Variants in NECAB2 observed in about 807,000 individuals in gnomAD.
NECAB2 encodes the protein N-terminal EF-hand calcium-binding protein 2.
NECAB2 carries 68 observed loss-of-function variants against 51.9 expected under a neutral mutation model. That is an observed-to-expected ratio of 1.31 (90% confidence interval 1.08 to 1.60). The LOEUF is 1.60. Ranked by LOEUF, NECAB2 falls within the 40% of genes most tolerant of loss-of-function variation. The probability of loss-of-function intolerance (pLI) is 0.00; values close to 1 mark genes in which losing one functional copy is unlikely to be tolerated. For synonymous variants in NECAB2, 329 were observed against 203.5 expected (o/e 1.62, Z -5.25); for missense variants, 854 against 490.3 (o/e 1.74, Z -7.00).
At position 84,002,379 on chromosome 16, in the gene NECAB2, A is replaced by C. The variant is rs191581329; in HGVS notation, c.*33A>C. ...CCAGAGGCCCGTGGAGGAGCCCACC[A>C]GCCCCTTCTTCTTGTGAAGGAAATC... On this transcript the variant is annotated 3_prime_UTR_variant, in exon 13 of 13. Transcript: ENST00000305202. 1.9e-5 allele frequency: 31 copies of C among 1,608,842 alleles called. No individual in the cohort carries two copies. The East Asian group carries it at 5.6e-4, about 29-fold the overall frequency.
chr16:84,001,659 GCCTCCCTGGGCACCCCCTCA>G (rs1230976340), intron 11 of NECAB2, among the ~76,000 whole-genome samples, 146 bp from the exon 12 acceptor site: 2 of 139,842 alleles, frequency 1.4e-5, no homozygotes, highest in African/African-American at 6.6e-5. Context: ...CCCAGAGTCA[GCCTCCCTGGGCACCCCCTCA>G]CCTTCCCACA....
chr16:83,987,287 G>C (rs939082045), intron 5 of NECAB2, among the ~76,000 whole-genome samples: 2 of 152,140 alleles, frequency 1.3e-5, no homozygotes, highest in Non-Finnish European at 2.9e-5. Flanking sequence ...ATTATCTAAT[G>C]TATCTGTTCT....
chr16:83,993,234 G>C (rs1399744629), intron 6 of NECAB2, among the ~76,000 whole-genome samples: 2 of 152,154 alleles, frequency 1.3e-5, no homozygotes, highest in East Asian at 1.9e-4. Flanking sequence ...CACCACCCGG[G>C]AGCCCTGAGC....
At chr16:83,999,686 G>T (rs374177871) in intron 10 of NECAB2, among the ~76,000 whole-genome samples, 1 of 152,086 alleles carries the variant, frequency 6.6e-6, no homozygotes, top group Non-Finnish European at 1.5e-5. Context: ...TTAAAATGAC[G>T]TGAGTGCGGG....
rs924634151 is a variant in NECAB2, at chr16:83,998,504, G to C, written c.962+187G>C. 3.3e-5 allele frequency among the ~76,000 whole-genome samples: 5 copies of C among 152,164 alleles called. No homozygotes were observed. The East Asian group carries it at 9.6e-4, about 29-fold the overall frequency. ...TCCTCCCAGCCAAGCAAATGTGGCA[G>C]GTGTCTTCATCTCCCTGGCATCAGC... On this transcript the variant is annotated intron_variant, in intron 10 of 12. Transcript: ENST00000305202.
intron 2 of NECAB2, among the ~76,000 whole-genome samples, chr16:83,975,259 C>G (rs1207509849): frequency 1.5e-5 from 2 of 137,716 alleles, no homozygotes; most frequent in African/African-American, 2.8e-5. Flanking sequence ...AACCGGTGTG[C>G]AGGGAGGCGT....
chr16:83,996,155 G>T (rs1219373300), intron 8 of NECAB2, among the ~76,000 whole-genome samples: 1 of 152,232 alleles, frequency 6.6e-6, no homozygotes. Flanking sequence ...CCCTGGCTGG[G>T]AGAAGAATGG....
chr16:83,984,110 T>G (rs749164533), intron 5 of NECAB2, among the ~76,000 whole-genome samples: 1 of 150,784 alleles, frequency 6.6e-6, no homozygotes, highest in Non-Finnish European at 1.5e-5. Flanking sequence ...ATTCTCCTGC[T>G]TCAGCCTCCC....
chr16:83,986,205 C>G (rs543553068), intron 5 of NECAB2, among the ~76,000 whole-genome samples: 1 of 152,082 alleles, frequency 6.6e-6, no homozygotes, highest in African/African-American at 2.4e-5. Context: ...CTAGTAGAGA[C>G]GGGTTTTCAC....
In NECAB2 at chr16:83,994,414, C is replaced by T. The variant is rs1483957272; in HGVS notation, c.709C>T (p.Pro237Ser). ...LMAMEQGKTLPSATEDAKEEG... is the reference protein window; with the variant it reads ...LMAMEQGKTLSSATEDAKEEG... ...GGCTATGGAACAAGGCAAGACCCTT[C>T]CATCTGGTGAGAGAAAGCGGGGGCC... Residue 237 changes from proline to serine, a missense_variant, in exon 7 of 13, where the codon CCA (proline) becomes TCA (serine). Pro to Ser is a moderately conservative substitution (Grantham distance 74). Transcript: ENST00000305202. 15 of 1,614,086 alleles carry T rather than the reference C, an allele frequency of 9.3e-6. No individual in the cohort carries two copies. The highest frequency in any genetic ancestry group is 1.2e-5 in the Non-Finnish European group (14 of 1,179,940).
intron 9 of NECAB2, among the ~76,000 whole-genome samples, chr16:83,997,722 T>G (rs1282342732): frequency 2.0e-5 from 3 of 151,926 alleles, no homozygotes; most frequent in African/African-American, 7.3e-5. Context: ...CTCAAACTCC[T>G]ATCCTCATGA....
At chr16:83,981,211 G>T in intron 5 of NECAB2, 84 bp downstream of exon 5, 2 of 1,292,078 alleles carry the variant, frequency 1.5e-6, no homozygotes, top group Non-Finnish European at 1.1e-6. Context: ...CTGGATTTTT[G>T]AAGACAGGCC....
intron 1 of NECAB2, among the ~76,000 whole-genome samples, chr16:83,970,155 G>C (rs1170260169): frequency 1.3e-5 from 2 of 152,070 alleles, no homozygotes; most frequent in African/African-American, 2.4e-5. Flanking sequence ...CAGTCAGGGT[G>C]GGGGCTCTGA....
chr16:83,994,995 G>A (rs527499025), intron 8 of NECAB2, among the ~76,000 whole-genome samples: 10 of 152,306 alleles, frequency 6.6e-5, no homozygotes, highest in African/African-American at 1.4e-4. Context: ...GTGTTGCAAG[G>A]CCCTAGCTTC....
intron 5 of NECAB2, 67 bp downstream of exon 5, chr16:83,981,194 A>T: frequency 7.0e-7 from 1 of 1,435,998 alleles, no homozygotes; most frequent in Non-Finnish European, 9.7e-7. Flanking sequence ...CCCTTGCCTA[A>T]GGATGCCTGG....
Position 83,981,166 on chromosome 16 carries a change from A to C in NECAB2, c.459+39A>C, listed in dbSNP as rs1241669389. On this transcript the variant is annotated intron_variant, in intron 5 of 12. Transcript: ENST00000305202. The stretch of plus-strand genomic sequence containing the variant: ...GGTGGCCCCCGGGGTCCAGGGCTCC[A>C]GTGCTGCTTCAGTTCCACCCTTGCC... 4.5e-6 allele frequency: 7 copies of C among 1,559,006 alleles called. No individual in the cohort carries two copies. The Admixed American group carries it at 6.7e-5, about 15-fold the overall frequency.
chr16:83,984,910 A>C (rs971911606), intron 5 of NECAB2, among the ~76,000 whole-genome samples: 1 of 152,088 alleles, frequency 6.6e-6, no homozygotes, highest in African/African-American at 2.4e-5. Flanking sequence ...TATAGCTCCT[A>C]TCATTATTAT....
intron 2 of NECAB2, among the ~76,000 whole-genome samples, chr16:83,972,767 T>C (rs1404227475): frequency 6.6e-6 from 1 of 152,170 alleles, no homozygotes; most frequent in Non-Finnish European, 1.5e-5. Context: ...CGCCTTGTTG[T>C]GGCCACGGAA....
At chr16:84,001,480 C>T (rs908997330) in intron 11 of NECAB2, among the ~76,000 whole-genome samples, 2 of 152,150 alleles carry the variant, frequency 1.3e-5, no homozygotes, top group African/African-American at 4.8e-5. Flanking sequence ...ACTCATAAAA[C>T]GAGGGACTAA....
Sources: gnomAD v4.1 joint callset for allele counts (sites outside exome capture counted in the v4.1 genomes callset) on GRCh38, gnomAD v4.1.1 for gene constraint, MANE v1.5 for transcripts, NCBI Gene and HGNC (gene_info 2026-07-23, HGNC 2026-07-21) for gene names.